The following LY86 variants were observed in gnomAD, a reference collection of about 807,000 sequenced individuals.
LY86 encodes MD-1, RP105-associated.
LY86 carries 20 observed loss-of-function variants against 17.3 expected under a neutral mutation model. The observed-to-expected ratio is 1.15, with a 90% confidence interval of 0.81 to 1.68. The LOEUF (loss-of-function observed/expected upper bound fraction) is 1.68. Ranked by LOEUF, LY86 falls within the 40% of genes most tolerant of loss-of-function variation. LY86 has a pLI of 0.00. For missense variants in LY86, 200 were observed against 191.9 expected (o/e 1.04, Z -0.25); for synonymous variants, 74 against 70.6 (o/e 1.05, Z -0.24).
At chr6:6,588,900 T>C (rs1385336349) in intron 1 of LY86, 30 bp downstream of exon 1, 15 of 1,605,720 alleles carry the variant, frequency 9.3e-6, no homozygotes, top group Non-Finnish European at 1.2e-5. Flanking sequence ...CCATGTGTGT[T>C]TATGGGGAAA....
In LY86 at chr6:6,654,793, C is replaced by T; in HGVS notation, c.*166C>T. The T allele has an allele frequency of 1.6e-6, 1 of 610,244 alleles. No individual in the cohort carries two copies. The allele number at this position is 610,244 out of a possible 1,614,324, so 37.8% of individuals were successfully genotyped here. ...TAATTTTAGTCCCAGGACCAGACAT[C>T]CCCAGACTCCACAGATGTAATGAAG... On this transcript the variant is annotated 3_prime_UTR_variant, in exon 5 of 5. Transcript: ENST00000230568.
At chr6:6,620,915 G>A (rs3804473) in intron 1 of LY86, 40,566 of 152,206 alleles carry the variant, frequency 0.27, 6,205 homozygotes, top group Middle Eastern at 0.41. Flanking sequence ...CTCTCCTAGA[G>A]CTCTTCCTCA....
chr6:6,628,303 T>G, intron 3 of LY86, among the ~76,000 whole-genome samples: 1 of 119,548 alleles, frequency 8.4e-6, no homozygotes. Flanking sequence ...CCTCCCCTTC[T>G]TCCTTCTCTC....
intron 3 of LY86, among the ~76,000 whole-genome samples, chr6:6,638,486 T>A (rs1481162911): frequency 6.6e-6 from 1 of 152,200 alleles, no homozygotes; most frequent in African/African-American, 2.4e-5. Flanking sequence ...AATTTACATT[T>A]AAGTTAAATT....
chr6:6,614,244 A>T (rs1290401918), intron 1 of LY86, among the ~76,000 whole-genome samples: 1 of 152,194 alleles, frequency 6.6e-6, no homozygotes, highest in African/African-American at 2.4e-5. Context: ...AATTGCTGAG[A>T]GTGTGAACCT....
At chr6:6,595,276 G>A (rs1760664026) in intron 1 of LY86, among the ~76,000 whole-genome samples, 1 of 148,888 alleles carries the variant, frequency 6.7e-6, no homozygotes, top group African/African-American at 2.5e-5. Flanking sequence ...GGAGGAGGAT[G>A]AGGAAGAGGT....
chr6:6,649,538 A>G (rs1450995872), intron 3 of LY86, 87 bp from the exon 4 acceptor site: 3 of 823,290 alleles, frequency 3.6e-6, no homozygotes, highest in Non-Finnish European at 3.9e-6. Flanking sequence ...AATAATTGTC[A>G]CACATCTGTG....
chr6:6,643,365 A>G (rs1762066525), intron 3 of LY86, among the ~76,000 whole-genome samples: 1 of 152,276 alleles, frequency 6.6e-6, no homozygotes. Context: ...GCCATTTGCA[A>G]CAACGTGGAC....
At position 6,654,832 on chromosome 6, in the gene LY86, C is replaced by A. The variant is rs1762237303; in HGVS notation, c.*205C>A. 1.8e-6 allele frequency: 1 copy of A among 563,820 alleles called. No individual in the cohort carries two copies. Among genetic ancestry groups the A allele is most frequent in the East Asian group, 2.9e-5 (1 of 34,112 alleles). 34.9% of individuals were successfully genotyped at this position (563,820 alleles called of 1,614,324 possible). A position where few individuals can be genotyped will look rare whatever the true frequency, so the allele number is the denominator to read the frequency against. On this transcript the variant is annotated 3_prime_UTR_variant, in exon 5 of 5. Coordinates refer to ENST00000230568, the MANE Select transcript of LY86 (RefSeq NM_004271.4). ...GATGTAATGAAGTCCCCGAATGTAT[C>A]TGTTTCTAAGGAGCCTCTTGGCAGT...
intron 1 of LY86, among the ~76,000 whole-genome samples, chr6:6,599,818 G>A (rs1760841400): frequency 6.6e-6 from 1 of 151,886 alleles, no homozygotes; most frequent in African/African-American, 2.4e-5. Context: ...TGGTCACAAA[G>A]CCAGCCAGCC....
intron 1 of LY86, among the ~76,000 whole-genome samples, 188 bp from the exon 2 acceptor site, chr6:6,624,738 T>C (rs929810377): frequency 6.6e-6 from 1 of 152,174 alleles, no homozygotes. Context: ...AGAGTGAACA[T>C]GATGTTGGCT....
chr6:6,614,172 C>T (rs138292012), intron 1 of LY86, among the ~76,000 whole-genome samples: 2 of 152,170 alleles, frequency 1.3e-5, no homozygotes, highest in African/African-American at 4.8e-5. Flanking sequence ...TGGAGAGGCA[C>T]GAAGCACACA....
At chr6:6,634,272 A>G (rs1561790530) in intron 3 of LY86, among the ~76,000 whole-genome samples, 1 of 152,250 alleles carries the variant, frequency 6.6e-6, no homozygotes, top group Non-Finnish European at 1.5e-5. Flanking sequence ...ATTAAAAGAA[A>G]TATGATGACA....
intron 3 of LY86, among the ~76,000 whole-genome samples, chr6:6,630,615 C>A (rs1260852694): frequency 2.0e-5 from 3 of 152,230 alleles, no homozygotes; most frequent in African/African-American, 7.2e-5. Flanking sequence ...AGGGAAGCTG[C>A]AGCCAACTCC....
intron 1 of LY86, among the ~76,000 whole-genome samples, chr6:6,604,847 A>AC (rs1761046535): frequency 6.6e-6 from 1 of 151,834 alleles, no homozygotes; most frequent in East Asian, 1.9e-4. Flanking sequence ...GGAAAAAAAA[A>AC]AATGGTAAAA....
At chr6:6,613,716 G>A (rs1003103301) in intron 1 of LY86, among the ~76,000 whole-genome samples, 4 of 152,270 alleles carry the variant, frequency 2.6e-5, no homozygotes, top group Admixed American at 1.3e-4. Flanking sequence ...GCGGGCTGAA[G>A]GGCTCCTCAA....
intron 1 of LY86, among the ~76,000 whole-genome samples, chr6:6,600,899 G>A (rs1760887390): frequency 6.6e-6 from 1 of 152,190 alleles, no homozygotes; most frequent in Non-Finnish European, 1.5e-5. Context: ...GCTTTTTGGA[G>A]AGAAGACAGG....
At chr6:6,601,087 G>A (rs1026639482) in intron 1 of LY86, among the ~76,000 whole-genome samples, 3 of 152,278 alleles carry the variant, frequency 2.0e-5, no homozygotes, top group Middle Eastern at 3.4e-3. Flanking sequence ...GTACAGGCTT[G>A]CTAGCAAGTA....
At chr6:6,621,964 G>A (rs923159723) in intron 1 of LY86, among the ~76,000 whole-genome samples, 1 of 151,860 alleles carries the variant, frequency 6.6e-6, no homozygotes, top group East Asian at 1.9e-4. Context: ...GGTGGGGTTG[G>A]GGGAGGAGGA....
Sources: gnomAD v4.1 joint callset for allele counts (sites outside exome capture counted in the v4.1 genomes callset) on GRCh38, gnomAD v4.1.1 for gene constraint, MANE v1.5 for transcripts, NCBI Gene and HGNC (gene_info 2026-07-23, HGNC 2026-07-21) for gene names.